The following SUZ12 variants were observed in gnomAD, a reference collection of about 807,000 sequenced individuals.
The protein encoded by SUZ12 is SUZ12 polycomb repressive complex 2 subunit.
In SUZ12, 17 loss-of-function variants were observed where a neutral mutation model predicts 87.3. The observed-to-expected ratio is 0.19, with a 90% CI of 0.13 to 0.29. The LOEUF is 0.29. Among genes scored for constraint, SUZ12 ranks in the 10% least tolerant of loss-of-function variants. The pLI is 1.00. For missense variants in SUZ12, 526 were observed against 912.2 expected, an observed-to-expected ratio of 0.58 and a Z score of 5.45; for synonymous variants, 253 against 312.4, an observed-to-expected ratio of 0.81 and a Z score of 2.01.
intron 4 of SUZ12, among the ~76,000 whole-genome samples, chr17:31,962,306 A>G (rs1205043569): frequency 6.6e-6 from 1 of 152,044 alleles, no homozygotes. Context: ...AAAACCTTAA[A>G]CAGGCCAGGC....
intron 6 of SUZ12, among the ~76,000 whole-genome samples, chr17:31,974,745 T>C (rs1598172784): frequency 6.6e-6 from 1 of 152,206 alleles, no homozygotes; most frequent in East Asian, 1.9e-4. Context: ...TTTATAGTCT[T>C]ATAAAATAGA....
At chr17:31,997,368 A>G (rs562495517) in intron 15 of SUZ12, among the ~76,000 whole-genome samples, 2 of 152,278 alleles carry the variant, frequency 1.3e-5, no homozygotes, top group South Asian at 2.1e-4. Flanking sequence ...TTCACACTCA[A>G]AACATTTTAT....
intron 9 of SUZ12, among the ~76,000 whole-genome samples, chr17:31,986,430 T>C: frequency 6.6e-6 from 1 of 152,320 alleles, no homozygotes; most frequent in African/African-American, 2.4e-5. Flanking sequence ...TCAAAAATGT[T>C]AATAGTGATT....
rs1335022968 is a variant in SUZ12 at position 31,993,265 on chromosome 17, G to C, written c.1225G>C (p.Asp409His). Residue 409 changes from aspartate to histidine, a missense_variant, in exon 11 of 16, where the codon GAT (aspartate) becomes CAT (histidine). Physicochemically the swap from Asp to His is moderately conservative, Grantham distance 81 (BLOSUM62 -1). This residue lies in a region of SUZ12 where 85 missense variants were observed against 87.4 expected (regional missense o/e 0.97). Transcript: ENST00000322652. ...AGCTGTTAAAGAATCATTGACTACA[G>C]ATCTACAAACAAGAAAAGAAAAGGA... ...TIAVKESLTT[D>H]LQTRKEKDTP... The C allele has an allele frequency of 3.8e-6, 6 of 1,579,918 alleles. No homozygotes were observed. Among genetic ancestry groups the C allele is most frequent in the Non-Finnish European group, 5.1e-6 (6 of 1,169,900 alleles).
intron 3 of SUZ12, among the ~76,000 whole-genome samples, chr17:31,940,984 T>C (rs1222519323): frequency 1.3e-5 from 2 of 151,364 alleles, no homozygotes; most frequent in Non-Finnish European, 2.9e-5. Flanking sequence ...CACTCCAGCC[T>C]GGGCAACAGA....
chr17:31,991,108 A>C (rs1487736049), intron 10 of SUZ12, among the ~76,000 whole-genome samples: 1 of 152,172 alleles, frequency 6.6e-6, no homozygotes, highest in Non-Finnish European at 1.5e-5. Flanking sequence ...GAGAGCACTC[A>C]TGTGTCTTTA....
rs755222594 is a variant in SUZ12 at position 31,965,968 on chromosome 17, C to A, written c.456-179C>A. ...TTATTTTTTGTTAGGTGTATAGACA[C>A]ACTTTTGGATGTCATATTTAACAGG... On this transcript the variant is annotated intron_variant, in intron 4 of 15. Transcript: ENST00000322652. 61 of 527,744 alleles carry A rather than the reference C, an allele frequency of 1.2e-4. 1 individual carries two copies. Among genetic ancestry groups the A allele is most frequent in the South Asian group, 4.1e-4 (12 of 29,242 alleles). 32.7% of individuals were successfully genotyped at this position (527,744 alleles called of 1,614,324 possible). A position where few individuals can be genotyped will look rare whatever the true frequency, so the allele number is the denominator to read the frequency against.
At chr17:31,994,887 A>G (rs549376842) in intron 13 of SUZ12, among the ~76,000 whole-genome samples, 166 bp downstream of exon 13, 4 of 152,216 alleles carry the variant, frequency 2.6e-5, no homozygotes, top group Non-Finnish European at 5.9e-5. Flanking sequence ...GATAGCTCCT[A>G]TTTCTACAGA....
At chr17:31,965,146 TAA>T (rs71959182) in intron 4 of SUZ12, among the ~76,000 whole-genome samples, 18 of 149,854 alleles carry the variant, frequency 1.2e-4, no homozygotes, top group Admixed American at 4.7e-4. Flanking sequence ...CACCATCATT[TAA>T]AAAAAAAATA....
At chr17:31,954,149 G>A (rs1168536015) in intron 4 of SUZ12, among the ~76,000 whole-genome samples, 2 of 151,916 alleles carry the variant, frequency 1.3e-5, no homozygotes, top group Non-Finnish European at 2.9e-5. Context: ...TGCAACCTCC[G>A]CCTCCTGGGT....
chr17:31,972,578 G>C lies in SUZ12; in HGVS notation c.506-568G>C, dbSNP rs571594937. On this transcript the variant is annotated intron_variant, in intron 5 of 15. Transcript: ENST00000322652. ...AGGCACATGACACCCACCACACCCA[G>C]CTAATTTTTTCACATTTTGTAGAGA... 3.3e-5 allele frequency among the ~76,000 whole-genome samples: 5 copies of C among 152,238 alleles called. No homozygotes were observed. The South Asian group carries it at 6.2e-4, about 19-fold the overall frequency.
At position 31,993,378 on chromosome 17, in the gene SUZ12, GT is replaced by G. The variant is rs1301354331; in HGVS notation, c.1293+51del. The G allele has an allele frequency of 7.9e-6, 10 of 1,259,574 alleles. No individual in the cohort carries two copies. In the Admixed American group the frequency reaches 9.5e-5, roughly 12 times the overall value. The allele number at this position is 1,259,574 out of a possible 1,614,324, so 78.0% of individuals were successfully genotyped here. ...CTTAAAGTAATTATGAAATGTATTT[GT>G]TTTTTGTATGTCAAACATGAAAATT... is the stretch of plus-strand genomic sequence containing the variant. On this transcript the variant is annotated intron_variant, in intron 11 of 15. Transcript: ENST00000322652.
At chr17:31,950,769 C>T (rs1440887163) in intron 4 of SUZ12, among the ~76,000 whole-genome samples, 2 of 152,002 alleles carry the variant, frequency 1.3e-5, no homozygotes, top group African/African-American at 4.8e-5. Flanking sequence ...AAAAGTATCT[C>T]TCCTCCATTT....
chr17:31,953,750 T>C (rs1439109377), intron 4 of SUZ12, among the ~76,000 whole-genome samples: 1 of 146,964 alleles, frequency 6.8e-6, no homozygotes, highest in Non-Finnish European at 1.5e-5. Flanking sequence ...AGTCTCGCCC[T>C]GTTGCCAGGC....
intron 5 of SUZ12, among the ~76,000 whole-genome samples, chr17:31,971,967 A>G (rs1248342639): frequency 6.6e-6 from 1 of 151,778 alleles, no homozygotes; most frequent in South Asian, 2.1e-4. Flanking sequence ...AAACAAAAAT[A>G]TTAAATCTTC....
At chr17:31,951,178 A>G (rs946625515) in intron 4 of SUZ12, among the ~76,000 whole-genome samples, 42 of 152,110 alleles carry the variant, frequency 2.8e-4, no homozygotes, top group Admixed American at 1.4e-3. Flanking sequence ...AGCACTGCCA[A>G]AGTTATAGTA....
intron 9 of SUZ12, among the ~76,000 whole-genome samples, chr17:31,984,364 T>G (rs923996627): frequency 3.3e-5 from 5 of 152,190 alleles, no homozygotes; most frequent in African/African-American, 1.2e-4. Context: ...TTAGACCTAA[T>G]ACATTCTGCA....
intron 4 of SUZ12, among the ~76,000 whole-genome samples, chr17:31,960,612 C>T (rs992780275): frequency 1.3e-5 from 2 of 152,056 alleles, no homozygotes; most frequent in South Asian, 2.1e-4. Context: ...GAGACTTGCT[C>T]TGTCACCTAG....
chr17:31,966,607 A>T, intron 5 of SUZ12: 1 of 157,390 alleles, frequency 6.4e-6, no homozygotes, highest in South Asian at 1.9e-4. Context: ...TGGCCTCCCA[A>T]GGGGGCGTGA....
Sources: gnomAD v4.1 joint callset for allele counts (sites outside exome capture counted in the v4.1 genomes callset) on GRCh38, gnomAD v4.1.1 for gene constraint, gnomAD v4.1.1 regional missense constraint, MANE v1.5 for transcripts, NCBI Gene and HGNC (gene_info 2026-07-23, HGNC 2026-07-21) for gene names.